The following NEGR1 variants were observed in gnomAD, a reference collection of about 807,000 sequenced individuals.
The protein encoded by NEGR1 is neuronal growth regulator 1, also known as IgLON family member 4.
A neutral mutation model predicts 40.9 loss-of-function variants in NEGR1; 10 were observed. The observed-to-expected ratio is 0.24, with a 90% CI of 0.15 to 0.42. NEGR1 has a LOEUF of 0.42. Among genes scored for constraint, NEGR1 ranks in the 10% least tolerant of loss-of-function variants. The pLI, the probability that NEGR1 is intolerant of heterozygous loss-of-function variation, is 1.00. For missense variants in NEGR1, 352 were observed against 438.9 expected (o/e 0.80, Z 1.77); for synonymous variants, 185 against 166.8 (o/e 1.11, Z -0.84).
At chr1:71,799,448 T>C (rs1657473306) in intron 2 of NEGR1, among the ~76,000 whole-genome samples, 1 of 152,214 alleles carries the variant, frequency 6.6e-6, no homozygotes, top group Non-Finnish European at 1.5e-5. Context: ...CTAACATTGT[T>C]GGGCATTTGG....
intron 1 of NEGR1, among the ~76,000 whole-genome samples, chr1:72,180,327 A>C (rs538676112): frequency 6.6e-6 from 1 of 152,164 alleles, no homozygotes; most frequent in South Asian, 2.1e-4. Flanking sequence ...AACGGATAAA[A>C]GACCCAAACA....
chr1:71,582,904 C>A (rs954398503), intron 6 of NEGR1, among the ~76,000 whole-genome samples: 1 of 152,114 alleles, frequency 6.6e-6, no homozygotes, highest in Non-Finnish European at 1.5e-5. Context: ...TAGGCTGCAA[C>A]TTAAATCAAT....
chr1:72,277,599 T>C (rs1317165002), intron 1 of NEGR1, among the ~76,000 whole-genome samples: 1 of 152,180 alleles, frequency 6.6e-6, no homozygotes, highest in Non-Finnish European at 1.5e-5. Flanking sequence ...CAAATCAATA[T>C]AGGTAACATT....
chr1:72,158,038 T>C (rs1651424573), intron 1 of NEGR1, among the ~76,000 whole-genome samples: 1 of 152,116 alleles, frequency 6.6e-6, no homozygotes, highest in South Asian at 2.1e-4. Flanking sequence ...TCCCTAAAGC[T>C]ATAATACAGG....
chr1:71,437,305 G>A (rs1646516034), intron 6 of NEGR1, among the ~76,000 whole-genome samples: 1 of 152,008 alleles, frequency 6.6e-6, no homozygotes, highest in Non-Finnish European at 1.5e-5. Context: ...AGGGTAAAAT[G>A]TTTCTTTTAT....
rs555753811 is a variant in NEGR1 at position 71,487,256 on chromosome 1, T to G, written c.941-79686A>C. ...CACACTAACACTTTGTCTAATGTCA[T>G]AATAACATCTGAAGATGCACCTTTT... On this transcript the variant is annotated intron_variant, in intron 6 of 6. Coordinates refer to ENST00000357731, the MANE Select transcript of NEGR1 (RefSeq NM_173808.3). Among the ~76,000 whole-genome samples, 5 of 151,824 alleles carry G rather than the reference T, an allele frequency of 3.3e-5. No homozygotes were observed. In the South Asian group the frequency reaches 6.2e-4, roughly 19 times the overall value.
chr1:72,111,751 T>C (rs1314373151), intron 1 of NEGR1, among the ~76,000 whole-genome samples: 1 of 151,804 alleles, frequency 6.6e-6, no homozygotes, highest in Non-Finnish European at 1.5e-5. Context: ...CCTTTCTTGA[T>C]ATGAGTAAGA....
chr1:71,650,400 T>A (rs116074801), intron 4 of NEGR1, among the ~76,000 whole-genome samples: 2,708 of 152,282 alleles, frequency 0.018, 40 homozygotes, highest in Middle Eastern at 0.031. Context: ...TAGATCCAGC[T>A]GTTCCATGGA....
intron 3 of NEGR1, among the ~76,000 whole-genome samples, chr1:71,742,511 A>G (rs1174510154): frequency 6.6e-6 from 1 of 152,136 alleles, no homozygotes; most frequent in Non-Finnish European, 1.5e-5. Flanking sequence ...TAAGCCTTAT[A>G]TCTCATGAAG....
intron 6 of NEGR1, among the ~76,000 whole-genome samples, chr1:71,457,784 C>T (rs1298260679): frequency 6.6e-6 from 1 of 152,136 alleles, no homozygotes; most frequent in Non-Finnish European, 1.5e-5. Context: ...TCACTGCAAG[C>T]TCCGCCTCCT....
chr1:72,041,649 A>G (rs1646955337), intron 1 of NEGR1, among the ~76,000 whole-genome samples: 1 of 150,348 alleles, frequency 6.7e-6, no homozygotes, highest in South Asian at 2.1e-4. Flanking sequence ...ACTTGTGGGT[A>G]TAAAATGATT....
chr1:71,617,048 T>C (rs1476543171), intron 4 of NEGR1, among the ~76,000 whole-genome samples: 1 of 152,164 alleles, frequency 6.6e-6, no homozygotes, highest in Non-Finnish European at 1.5e-5. Flanking sequence ...GACAAGACTT[T>C]GGAGTTTTTC....
intron 6 of NEGR1, among the ~76,000 whole-genome samples, chr1:71,503,881 C>T (rs1280985716): frequency 2.0e-5 from 3 of 151,596 alleles, no homozygotes; most frequent in African/African-American, 7.3e-5. Flanking sequence ...CAACACCCTC[C>T]GGGCAAGAAG....
Position 71,507,383 on chromosome 1 carries a change from A to T in NEGR1, c.940+85434T>A, listed in dbSNP as rs139676625. ...TAATAAATAAACCTCTAATTAAAAA[A>T]CTAATGTCTATATCACACAAAGGGA... On this transcript the variant is annotated intron_variant, in intron 6 of 6. Transcript: ENST00000357731. Among the ~76,000 whole-genome samples, 1,153 of 152,286 alleles carry T rather than the reference A, an allele frequency of 7.6e-3. 9 individuals are homozygous for T. The highest frequency in any genetic ancestry group is 0.024 in the Middle Eastern group (7 of 294).
At chr1:71,925,200 T>C (rs995357386) in intron 2 of NEGR1, among the ~76,000 whole-genome samples, 18 of 152,206 alleles carry the variant, frequency 1.2e-4, no homozygotes, top group Admixed American at 3.3e-4. Context: ...TAAAGAAGTA[T>C]GCTAAAGGTA....
In NEGR1 at chr1:71,879,149, T is replaced by C. The variant is rs928984438; in HGVS notation, c.409+55930A>G. Among the ~76,000 whole-genome samples the C allele has an allele frequency of 4.3e-5, 6 of 140,448 alleles. No homozygotes were observed. In the South Asian group the frequency reaches 9.4e-4, roughly 22 times the overall value. 92.1% of individuals were successfully genotyped at this position (140,448 alleles called of 152,430 possible). On this transcript the variant is annotated intron_variant, in intron 2 of 6. Coordinates refer to ENST00000357731, the MANE Select transcript of NEGR1 (RefSeq NM_173808.3). ...ACTCTGTCTCGAAAAAAAAAAAAAA[T>C]AGCAACAAGGATAATGCATGAAAAC...
intron 6 of NEGR1, among the ~76,000 whole-genome samples, chr1:71,478,302 G>A (rs1646834589): frequency 6.6e-6 from 1 of 152,006 alleles, no homozygotes; most frequent in African/African-American, 2.4e-5. Context: ...CAAAACTTCA[G>A]ATCCTTGGCA....
intron 4 of NEGR1, among the ~76,000 whole-genome samples, chr1:71,613,998 T>TA (rs1650358872): frequency 6.6e-6 from 1 of 151,894 alleles, no homozygotes; most frequent in Admixed American, 6.6e-5. Context: ...GCCTTTCAAC[T>TA]AAAAAAATAC....
chr1:72,238,068 A>G (rs1319520715), intron 1 of NEGR1, among the ~76,000 whole-genome samples: 1 of 151,886 alleles, frequency 6.6e-6, no homozygotes, highest in African/African-American at 2.4e-5. Flanking sequence ...TGTGATTTAA[A>G]TGTCTGATAA....
Sources: gnomAD v4.1 joint callset for allele counts (sites outside exome capture counted in the v4.1 genomes callset) on GRCh38, gnomAD v4.1.1 for gene constraint, MANE v1.5 for transcripts, NCBI Gene and HGNC (gene_info 2026-07-23, HGNC 2026-07-21) for gene names.